Variants in PTH2R observed in about 807,000 individuals in gnomAD.
The protein encoded by PTH2R is PTH2 receptor.
In PTH2R, 59 loss-of-function variants were observed where a neutral mutation model predicts 60.3. The ratio of observed to expected loss-of-function variants is 0.98; its 90% CI spans 0.79 to 1.22. The LOEUF is 1.22. Among genes scored for constraint, PTH2R ranks in the 50% most tolerant of loss-of-function variants. The pLI is 0.00. For missense variants in PTH2R, 749 were observed against 682.6 expected, an observed-to-expected ratio of 1.10 and a Z score of -1.08; for synonymous variants, 256 against 243.8, an observed-to-expected ratio of 1.05 and a Z score of -0.47.
At chr2:208,435,730 A>G (rs964208007) in intron 2 of PTH2R, among the ~76,000 whole-genome samples, 3 of 152,210 alleles carry the variant, frequency 2.0e-5, no homozygotes, top group Admixed American at 6.5e-5. Flanking sequence ...GCCTCCAGAG[A>G]GGAATGCAGC....
chr2:208,490,818 T>A (rs1194595521), intron 12 of PTH2R, 138 bp downstream of exon 12: 1 of 824,646 alleles, frequency 1.2e-6, no homozygotes, highest in Non-Finnish European at 1.8e-6. Context: ...AATCATAAAT[T>A]ATTTTGGAAA....
In PTH2R at chr2:208,493,537, G is replaced by A. The variant is rs140566891; in HGVS notation, c.1531G>A (p.Glu511Lys). 1,367 of 1,614,004 alleles carry A rather than the reference G, an allele frequency of 8.5e-4. 3 individuals are homozygous for A. The highest frequency in any genetic ancestry group is 4.0e-3 in the Middle Eastern group (24 of 6,060). Reference sequence around the variant, plus strand: ...GGACTGCCTGCCACACTCTTTCCACGAGGAGACCAAGGAAGATAGTGGGAG... The same window carrying A: ...GGACTGCCTGCCACACTCTTTCCACAAGGAGACCAAGGAAGATAGTGGGAG... ...EQDCLPHSFH[E>K]ETKEDSGRQG... is the part of the protein sequence containing the mutation. The change falls in exon 13 of 13, where the codon GAG becomes AAG. Residue 511 changes from glutamate to lysine, a missense_variant. Glu to Lys is a moderately conservative substitution (Grantham distance 56, BLOSUM62 1). Transcript: ENST00000272847.
intron 1 of PTH2R, among the ~76,000 whole-genome samples, chr2:208,367,455 C>T (rs1417765121): frequency 1.5e-5 from 2 of 135,386 alleles, no homozygotes; most frequent in Non-Finnish European, 3.1e-5. Context: ...GACAGAGTCA[C>T]TGTCACCCAG....
intron 10 of PTH2R, among the ~76,000 whole-genome samples, chr2:208,486,237 A>G (rs1399091632): frequency 2.2e-4 from 33 of 152,236 alleles, no homozygotes; most frequent in Non-Finnish European, 1.5e-5. Context: ...TTTGTTATAC[A>G]ATAGAAAATG....
chr2:208,427,768 C>G (rs527932878), intron 1 of PTH2R, among the ~76,000 whole-genome samples: 1 of 152,042 alleles, frequency 6.6e-6, no homozygotes, highest in South Asian at 2.1e-4. Flanking sequence ...ACCAACCACT[C>G]TTGGTACTAA....
chr2:208,419,082 T>G (rs1383016310), intron 1 of PTH2R, among the ~76,000 whole-genome samples: 1 of 152,252 alleles, frequency 6.6e-6, no homozygotes, highest in African/African-American at 2.4e-5. Context: ...TCTAGATTCC[T>G]GAGCAATCGC....
intron 1 of PTH2R, among the ~76,000 whole-genome samples, chr2:208,381,646 A>G (rs1295335605): frequency 6.6e-6 from 1 of 152,110 alleles, no homozygotes; most frequent in Non-Finnish European, 1.5e-5. Flanking sequence ...TGCATCTGAA[A>G]GAGTAATACA....
intron 1 of PTH2R, among the ~76,000 whole-genome samples, chr2:208,400,200 T>G (rs1172851759): frequency 6.6e-6 from 1 of 152,206 alleles, no homozygotes; most frequent in Non-Finnish European, 1.5e-5. Flanking sequence ...CAGAGGCTAG[T>G]AGAGTACTTG....
chr2:208,415,404 C>T (rs59855645), intron 1 of PTH2R, among the ~76,000 whole-genome samples: 3 of 152,322 alleles, frequency 2.0e-5, no homozygotes, highest in African/African-American at 4.8e-5. Flanking sequence ...TCACCTACTA[C>T]CGCTTCGCAT....
intron 7 of PTH2R, among the ~76,000 whole-genome samples, chr2:208,447,817 C>T (rs1442881347): frequency 1.3e-5 from 2 of 151,856 alleles, no homozygotes; most frequent in Admixed American, 1.3e-4. Flanking sequence ...TTCAACCAAG[C>T]ACATTATTAT....
chr2:208,482,804 C>T (rs984643582), intron 10 of PTH2R, among the ~76,000 whole-genome samples: 1 of 152,068 alleles, frequency 6.6e-6, no homozygotes, highest in African/African-American at 2.4e-5. Context: ...GGACAGGCAC[C>T]CCCCATGCGT....
chr2:208,460,479 G>C (rs569417843), intron 9 of PTH2R, among the ~76,000 whole-genome samples: 21 of 152,150 alleles, frequency 1.4e-4, no homozygotes, highest in South Asian at 6.2e-4. Context: ...CTATCTAATA[G>C]GTATTAGATA....
intron 1 of PTH2R, among the ~76,000 whole-genome samples, chr2:208,388,988 C>T (rs915289741): frequency 1.3e-5 from 2 of 152,110 alleles, no homozygotes; most frequent in African/African-American, 4.8e-5. Context: ...ACGTAGAAAA[C>T]AATGTAACCT....
chr2:208,392,960 A>G (rs1005718719), intron 1 of PTH2R, among the ~76,000 whole-genome samples: 3 of 152,176 alleles, frequency 2.0e-5, no homozygotes, highest in Non-Finnish European at 4.4e-5. Context: ...TTTCCACCAC[A>G]GGCTGGACAG....
intron 1 of PTH2R, among the ~76,000 whole-genome samples, chr2:208,375,845 G>A (rs562618805): frequency 3.3e-5 from 5 of 152,210 alleles, no homozygotes; most frequent in African/African-American, 9.6e-5. Flanking sequence ...TCATGAGAGT[G>A]GTGTGCTCAG....
At chr2:208,417,572 TG>T (rs1701666365) in intron 1 of PTH2R, among the ~76,000 whole-genome samples, 2 of 110,646 alleles carry the variant, frequency 1.8e-5, no homozygotes, top group Admixed American at 1.1e-4. Flanking sequence ...TTTTTTTTTG[TG>T]ATGGTGTCTC....
intron 8 of PTH2R, among the ~76,000 whole-genome samples, chr2:208,451,258 A>G (rs1049382917): frequency 1.3e-5 from 2 of 152,058 alleles, no homozygotes; most frequent in Non-Finnish European, 2.9e-5. Context: ...ACGAAGGGGA[A>G]CTACAGACAG....
intron 6 of PTH2R, 43 bp downstream of exon 6, chr2:208,443,580 C>T: frequency 6.8e-7 from 1 of 1,480,926 alleles, no homozygotes; most frequent in Non-Finnish European, 9.2e-7. Context: ...ATTTGTATAA[C>T]ACTACAAATA....
At chr2:208,488,255 G>T (rs536585190) in intron 10 of PTH2R, among the ~76,000 whole-genome samples, 3 of 152,206 alleles carry the variant, frequency 2.0e-5, no homozygotes, top group African/African-American at 7.2e-5. Context: ...AAGTCAAGAT[G>T]AACTGACCAC....
Sources: gnomAD v4.1 joint callset for allele counts (sites outside exome capture counted in the v4.1 genomes callset) on GRCh38, gnomAD v4.1.1 for gene constraint, MANE v1.5 for transcripts, NCBI Gene and HGNC (gene_info 2026-07-23, HGNC 2026-07-21) for gene names.